The following TRPM7 variants were observed in gnomAD, a reference collection of about 807,000 sequenced individuals.
TRPM7 encodes transient receptor potential cation channel subfamily M member 7.
In TRPM7, 134 loss-of-function variants were observed where a neutral mutation model predicts 229.7. That is an observed-to-expected ratio of 0.58 (90% CI 0.51 to 0.67). The LOEUF is 0.67. Ranked by LOEUF, TRPM7 falls within the 30% of genes least tolerant of loss-of-function variation. The pLI is 0.00. For missense variants in TRPM7, 1,901 were observed against 2,210.0 expected (o/e 0.86, Z 2.80); for synonymous variants, 699 against 715.2 (o/e 0.98, Z 0.36).
intron 23 of TRPM7, 71 bp downstream of exon 23, chr15:50,596,184 A>G: frequency 8.9e-7 from 1 of 1,118,826 alleles, no homozygotes; most frequent in Non-Finnish European, 1.2e-6. Context: ...TAAGTTCTAT[A>G]AATTTCCTTC....
At chr15:50,582,661 T>C (rs1250042493) in intron 29 of TRPM7, among the ~76,000 whole-genome samples, 1 of 152,214 alleles carries the variant, frequency 6.6e-6, no homozygotes, top group Non-Finnish European at 1.5e-5. Flanking sequence ...CCAGAACAGA[T>C]ATATTTTGAA....
chr15:50,624,890 T>C (rs2140586071), intron 11 of TRPM7, among the ~76,000 whole-genome samples: 1 of 152,342 alleles, frequency 6.6e-6, no homozygotes, highest in Non-Finnish European at 1.5e-5. Flanking sequence ...AACCATCAGA[T>C]AAGTCAGGCA....
At chr15:50,578,842 A>G (rs1394738488) in intron 30 of TRPM7, among the ~76,000 whole-genome samples, 178 bp from the exon 31 acceptor site, 1 of 150,544 alleles carries the variant, frequency 6.6e-6, no homozygotes, top group East Asian at 1.9e-4. Context: ...ATATATAGAT[A>G]TATATATCTA....
intron 10 of TRPM7, among the ~76,000 whole-genome samples, chr15:50,628,788 GA>G (rs1214037347): frequency 6.6e-6 from 1 of 152,146 alleles, no homozygotes; most frequent in Non-Finnish European, 1.5e-5. Flanking sequence ...AAAATGAGAA[GA>G]AAACAAAGAT....
intron 36 of TRPM7, among the ~76,000 whole-genome samples, chr15:50,573,499 CAG>C (rs1169893461): frequency 2.0e-5 from 3 of 152,126 alleles, no homozygotes; most frequent in African/African-American, 4.8e-5. Context: ...GAGGTGACAG[CAG>C]AGAGAGACAT....
intron 1 of TRPM7, among the ~76,000 whole-genome samples, chr15:50,671,471 T>A (rs144150133): frequency 6.6e-6 from 1 of 152,290 alleles, no homozygotes; most frequent in Non-Finnish European, 1.5e-5. Flanking sequence ...GGACCGCATA[T>A]TTAACAGTGG....
chr15:50,663,798 A>G (rs2140925505), intron 1 of TRPM7, among the ~76,000 whole-genome samples: 1 of 152,216 alleles, frequency 6.6e-6, no homozygotes, highest in Non-Finnish European at 1.5e-5. Context: ...CGCCATCTCT[A>G]CCAAAAGCTA....
chr15:50,580,399 A>G (rs2054342435), intron 30 of TRPM7, among the ~76,000 whole-genome samples: 1 of 152,154 alleles, frequency 6.6e-6, no homozygotes, highest in Non-Finnish European at 1.5e-5. Context: ...GGATTACCAC[A>G]TCAGCTTTCT....
chr15:50,648,066 G>C (rs2061319329), intron 4 of TRPM7, among the ~76,000 whole-genome samples: 1 of 152,106 alleles, frequency 6.6e-6, no homozygotes, highest in African/African-American at 2.4e-5. Context: ...GTGAGCCACT[G>C]TGCCTGGCCT....
At chr15:50,674,351 T>G (rs2062050531) in intron 1 of TRPM7, among the ~76,000 whole-genome samples, 1 of 151,824 alleles carries the variant, frequency 6.6e-6, no homozygotes, top group Non-Finnish European at 1.5e-5. Flanking sequence ...AGGCTTTTCT[T>G]GAACTCCTGA....
At chr15:50,568,111 CAAAAA>C (rs57093955) in intron 38 of TRPM7, among the ~76,000 whole-genome samples, 1 of 81,436 alleles carries the variant, frequency 1.2e-5, no homozygotes, top group Non-Finnish European at 2.2e-5. Flanking sequence ...GACTCTGTCT[CAAAAA>C]AAAAAAAAAA....
intron 33 of TRPM7, among the ~76,000 whole-genome samples, chr15:50,575,375 TA>T (rs147359175): frequency 0.02 from 3,104 of 152,272 alleles, 121 homozygotes; most frequent in African/African-American, 0.072. Flanking sequence ...AGAAAACCTT[TA>T]AAAAAGCAAC....
intron 1 of TRPM7, among the ~76,000 whole-genome samples, chr15:50,685,283 G>A (rs1446774902): frequency 6.6e-6 from 1 of 152,178 alleles, no homozygotes; most frequent in Non-Finnish European, 1.5e-5. Flanking sequence ...GCCAAACATG[G>A]TGAAACCCCG....
intron 23 of TRPM7, among the ~76,000 whole-genome samples, chr15:50,595,972 G>A (rs934596109): frequency 2.0e-5 from 3 of 152,116 alleles, no homozygotes; most frequent in African/African-American, 7.2e-5. Context: ...TGGAATTACT[G>A]ATGAATTTTC....
At chr15:50,685,588 T>C (rs971159032) in intron 1 of TRPM7, among the ~76,000 whole-genome samples, 3 of 152,216 alleles carry the variant, frequency 2.0e-5, no homozygotes, top group African/African-American at 7.2e-5. Context: ...TAGCGTCCAG[T>C]GAAAAGCAAA....
intron 16 of TRPM7, 60 bp downstream of exon 16, chr15:50,612,489 A>T: frequency 3.3e-6 from 5 of 1,512,164 alleles, no homozygotes; most frequent in Non-Finnish European, 4.5e-6. Flanking sequence ...TGTAACAGCC[A>T]CTCAAACAAT....
At chr15:50,620,290 TTTTTTTTCAA>T (rs1288015228) in intron 12 of TRPM7, among the ~76,000 whole-genome samples, 23 of 144,544 alleles carry the variant, frequency 1.6e-4, no homozygotes, top group Admixed American at 3.8e-4. Flanking sequence ...AACATAGAGT[TTTTTTTTCAA>T]TTTTTTTCAA....
chr15:50,632,861 C>A lies in TRPM7; in HGVS notation c.1131+8G>T. 6.6e-7 allele frequency: 1 copy of A among 1,506,086 alleles called. No homozygotes were observed. Among genetic ancestry groups the A allele is most frequent in the South Asian group, 1.4e-5 (1 of 73,008 alleles). 93.3% of individuals were successfully genotyped at this position (1,506,086 alleles called of 1,614,324 possible). A position where few individuals can be genotyped will look rare whatever the true frequency, so the allele number is the denominator to read the frequency against. On this transcript the variant is annotated splice_region_variant and intron_variant, in intron 9 of 38. Coordinates refer to ENST00000646667, the MANE Select transcript of TRPM7 (RefSeq NM_017672.6). Reference sequence around the variant, plus strand: ...CAGCTTTTTAAATTTCTGCTGAAATCTACTTACAAGCTCCTTTCTTTTCAT... The same window carrying A: ...CAGCTTTTTAAATTTCTGCTGAAATATACTTACAAGCTCCTTTCTTTTCAT...
chr15:50,611,050 T>C (rs1567004416), intron 17 of TRPM7, 43 bp downstream of exon 17: 3 of 1,469,146 alleles, frequency 2.0e-6, no homozygotes, highest in Non-Finnish European at 2.8e-6. Flanking sequence ...CTGTTCTTTT[T>C]ATCTAATCAC....
Sources: gnomAD v4.1 joint callset for allele counts (sites outside exome capture counted in the v4.1 genomes callset) on GRCh38, gnomAD v4.1.1 for gene constraint, MANE v1.5 for transcripts, NCBI Gene and HGNC (gene_info 2026-07-23, HGNC 2026-07-21) for gene names.